The following AGBL4 variants were observed in gnomAD, a reference collection of about 807,000 sequenced individuals.
AGBL4 encodes AGBL carboxypeptidase 4.
In AGBL4, 58 loss-of-function variants were observed where a neutral mutation model predicts 66.4. The observed-to-expected ratio is 0.87, with a 90% confidence interval of 0.71 to 1.09. The LOEUF (loss-of-function observed/expected upper bound fraction) is 1.09, where lower values mean the gene tolerates loss of function less well. Among genes scored for constraint, AGBL4 ranks in the 50% least tolerant of loss-of-function variants. The pLI, the probability that AGBL4 is intolerant of heterozygous loss-of-function variation, is 0.00. For synonymous variants in AGBL4, 234 were observed against 222.9 expected (o/e 1.05, Z -0.44); for missense variants, 579 against 631.0 (o/e 0.92, Z 0.88).
At chr1:48,860,515 G>A (rs1415669646) in intron 6 of AGBL4, among the ~76,000 whole-genome samples, 1 of 152,174 alleles carries the variant, frequency 6.6e-6, no homozygotes, top group Admixed American at 6.5e-5. Flanking sequence ...ATGGGAATCA[G>A]AGATAAGCTT....
intron 5 of AGBL4, among the ~76,000 whole-genome samples, chr1:48,922,124 TCAA>T (rs1444024484): frequency 6.6e-6 from 1 of 152,168 alleles, no homozygotes; most frequent in Non-Finnish European, 1.5e-5. Context: ...TGTGTGATTA[TCAA>T]CTCTTCTCTG....
intron 3 of AGBL4, among the ~76,000 whole-genome samples, chr1:49,321,284 C>T (rs1645128469): frequency 1.3e-5 from 2 of 151,712 alleles, no homozygotes; most frequent in Non-Finnish European, 2.9e-5. Context: ...ATACAGTAAG[C>T]ACTCAAAAAA....
chr1:49,255,478 C>T (rs1237452276), intron 3 of AGBL4, among the ~76,000 whole-genome samples: 2 of 152,124 alleles, frequency 1.3e-5, no homozygotes, highest in East Asian at 3.8e-4. Flanking sequence ...CCATCTCACA[C>T]CAGTCAGAAT....
At chr1:49,637,813 A>G (rs1645707729) in intron 3 of AGBL4, among the ~76,000 whole-genome samples, 1 of 152,132 alleles carries the variant, frequency 6.6e-6, no homozygotes, top group African/African-American at 2.4e-5. Flanking sequence ...CCAATATATA[A>G]AAACAACCAC....
chr1:49,786,177 C>T (rs895535992), intron 2 of AGBL4, among the ~76,000 whole-genome samples: 3 of 152,054 alleles, frequency 2.0e-5, no homozygotes, highest in African/African-American at 7.2e-5. Flanking sequence ...ATCCTCGCTA[C>T]CATCTGAAGC....
intron 2 of AGBL4, among the ~76,000 whole-genome samples, chr1:49,784,566 G>A (rs1360214201): frequency 1.3e-5 from 2 of 151,906 alleles, no homozygotes; most frequent in Non-Finnish European, 2.9e-5. Context: ...AAACATAGGT[G>A]CAAGTCTTCA....
chr1:48,545,085 A>C lies in AGBL4; in HGVS notation c.1268-5347T>G, dbSNP rs371776329. Among the ~76,000 whole-genome samples, 22 of 152,262 alleles carry C rather than the reference A, an allele frequency of 1.4e-4. No individual in the cohort carries two copies. In the East Asian group the frequency reaches 1.7e-3, roughly 12 times the overall value. ...GATGAATAACATAGGGGTTGGATGA[A>C]TGAATGAATGAATGAGGAAGAGAGA... On this transcript the variant is annotated intron_variant, in intron 11 of 13. Transcript: ENST00000371839.
At chr1:48,984,727 A>T (rs961263238) in intron 5 of AGBL4, among the ~76,000 whole-genome samples, 1 of 151,822 alleles carries the variant, frequency 6.6e-6, no homozygotes, top group Non-Finnish European at 1.5e-5. Flanking sequence ...TCTGCTAGGG[A>T]GATGCAAGGC....
chr1:50,009,886 A>G (rs909121352), intron 1 of AGBL4, among the ~76,000 whole-genome samples: 4 of 152,248 alleles, frequency 2.6e-5, no homozygotes, highest in Non-Finnish European at 5.9e-5. Flanking sequence ...TCAAAAAATT[A>G]ATTCCATTTA....
At chr1:49,632,750 A>G (rs1645594869) in intron 3 of AGBL4, among the ~76,000 whole-genome samples, 1 of 152,106 alleles carries the variant, frequency 6.6e-6, no homozygotes, top group South Asian at 2.1e-4. Context: ...AACACTCACC[A>G]TTACATCCTC....
rs1167610707 is a variant in AGBL4 at position 49,879,322 on chromosome 1, C to T, written c.35-27804G>A. Among the ~76,000 whole-genome samples, 98 of 151,008 alleles carry T rather than the reference C, an allele frequency of 6.5e-4. 1 individual carries two copies. Among genetic ancestry groups the T allele is most frequent in the African/African-American group, 1.8e-3 (72 of 41,036 alleles). Reference sequence around the variant, plus strand: ...ACCGGTTGTTTCTTTCCATGTTTAGCGCTTCCTTCAGGAGCTCTTTTAGGG... The same window carrying T: ...ACCGGTTGTTTCTTTCCATGTTTAGTGCTTCCTTCAGGAGCTCTTTTAGGG... On this transcript the variant is annotated intron_variant, in intron 1 of 13. Coordinates refer to ENST00000371839, the MANE Select transcript of AGBL4 (RefSeq NM_032785.4).
chr1:49,845,241 C>T (rs1646109239), intron 2 of AGBL4: 4 of 1,548,712 alleles, frequency 2.6e-6, no homozygotes, highest in Middle Eastern at 1.7e-4. Flanking sequence ...GGGAGAAACC[C>T]TATAAATGCA....
chr1:49,517,888 T>G (rs1490973532), intron 3 of AGBL4, among the ~76,000 whole-genome samples: 2 of 152,060 alleles, frequency 1.3e-5, no homozygotes, highest in African/African-American at 4.8e-5. Context: ...AATCTAATAT[T>G]GAATCAGACT....
intron 3 of AGBL4, among the ~76,000 whole-genome samples, chr1:49,387,709 T>C: frequency 6.6e-6 from 1 of 152,074 alleles, no homozygotes; most frequent in East Asian, 1.9e-4. Flanking sequence ...ATCCTAGTTA[T>C]ATATTTAAAC....
At chr1:49,048,730 G>T (rs563890285) in intron 4 of AGBL4, among the ~76,000 whole-genome samples, 2 of 151,480 alleles carry the variant, frequency 1.3e-5, no homozygotes, top group East Asian at 3.9e-4. Context: ...ATTATGATTT[G>T]ATCCTCATAA....
intron 3 of AGBL4, among the ~76,000 whole-genome samples, chr1:49,479,839 C>CT (rs1042074445): frequency 1.3e-5 from 2 of 151,518 alleles, no homozygotes; most frequent in Non-Finnish European, 2.9e-5. Context: ...GTGGGAGTGG[C>CT]TGGGACTACA....
At chr1:48,960,135 G>C (rs1372254087) in intron 5 of AGBL4, among the ~76,000 whole-genome samples, 1 of 152,080 alleles carries the variant, frequency 6.6e-6, no homozygotes, top group Non-Finnish European at 1.5e-5. Flanking sequence ...TGATGGTTTG[G>C]GACAAGGAGG....
chr1:49,143,656 G>A (rs1032604428), intron 4 of AGBL4, among the ~76,000 whole-genome samples: 1 of 152,050 alleles, frequency 6.6e-6, no homozygotes, highest in Non-Finnish European at 1.5e-5. Flanking sequence ...GGTCCTTTAA[G>A]TTTGATCCAG....
intron 1 of AGBL4, among the ~76,000 whole-genome samples, chr1:49,969,563 T>C (rs1037052630): frequency 2.0e-5 from 3 of 152,112 alleles, no homozygotes; most frequent in Non-Finnish European, 4.4e-5. Context: ...CCACCTACTA[T>C]CTACTTCTTC....
Sources: gnomAD v4.1 joint callset for allele counts (sites outside exome capture counted in the v4.1 genomes callset) on GRCh38, gnomAD v4.1.1 for gene constraint, MANE v1.5 for transcripts, NCBI Gene and HGNC (gene_info 2026-07-23, HGNC 2026-07-21) for gene names.